The following ATP8A2 variants were observed in gnomAD, a reference collection of about 807,000 sequenced individuals.
The protein encoded by ATP8A2 is phospholipid-transporting ATPase IB.
Under a neutral mutation model 165.6 loss-of-function variants are expected in ATP8A2, and 100 were observed. That is an observed-to-expected ratio of 0.60 (90% CI 0.51 to 0.71). The LOEUF (loss-of-function observed/expected upper bound fraction) is 0.71, where lower values mean the gene tolerates loss of function less well. Among genes scored for constraint, ATP8A2 ranks in the 30% least tolerant of loss-of-function variants. The pLI is 0.00. For missense variants in ATP8A2, 1,227 were observed against 1,479.5 expected, an observed-to-expected ratio of 0.83 and a Z score of 2.80; for synonymous variants, 543 against 548.8, an observed-to-expected ratio of 0.99 and a Z score of 0.15.
chr13:25,909,541 A>G (rs1014373408), intron 33 of ATP8A2, among the ~76,000 whole-genome samples: 3 of 152,208 alleles, frequency 2.0e-5, no homozygotes, highest in South Asian at 2.1e-4. Flanking sequence ...GTCAACCGCA[A>G]TTACTTTTAT....
chr13:26,003,664 T>TAC (rs2139329604), intron 35 of ATP8A2, among the ~76,000 whole-genome samples: 1 of 152,294 alleles, frequency 6.6e-6, no homozygotes, highest in South Asian at 2.1e-4. Context: ...CTCGTATATA[T>TAC]AAGTCTTTAA....
intron 24 of ATP8A2, among the ~76,000 whole-genome samples, chr13:25,660,641 G>A (rs2042029485): frequency 6.6e-6 from 1 of 151,548 alleles, no homozygotes; most frequent in South Asian, 2.1e-4. Context: ...ATTGAATTGT[G>A]GAAAACATAG....
At chr13:25,794,170 C>T (rs1020312954) in intron 27 of ATP8A2, among the ~76,000 whole-genome samples, 2 of 152,174 alleles carry the variant, frequency 1.3e-5, no homozygotes, top group African/African-American at 4.8e-5. Flanking sequence ...GCATGTTTTC[C>T]ATCTTGAAGA....
At chr13:25,926,821 A>G (rs532124887) in intron 33 of ATP8A2, among the ~76,000 whole-genome samples, 172 of 152,296 alleles carry the variant, frequency 1.1e-3, no homozygotes, top group Middle Eastern at 6.8e-3. Context: ...GCAATATAGC[A>G]AGAGCCCATC....
intron 1 of ATP8A2, among the ~76,000 whole-genome samples, chr13:25,392,341 C>G (rs1190916301): frequency 3.9e-5 from 6 of 152,194 alleles, no homozygotes; most frequent in Non-Finnish European, 8.8e-5. Flanking sequence ...GAGCTGTAAC[C>G]TTAGTTTCTC....
At chr13:25,862,500 C>T in intron 33 of ATP8A2, 92 bp downstream of exon 33, 1 of 966,920 alleles carries the variant, frequency 1.0e-6, no homozygotes, top group Non-Finnish European at 1.7e-6. Context: ...TGTCTTACAG[C>T]CACGATGAGC....
At chr13:25,507,035 T>C (rs944193087) in intron 2 of ATP8A2, among the ~76,000 whole-genome samples, 4 of 151,366 alleles carry the variant, frequency 2.6e-5, no homozygotes, top group Non-Finnish European at 5.9e-5. Context: ...TGTGTATCTC[T>C]ATATAAATTT....
chr13:25,974,444 C>G (rs1029711458), intron 35 of ATP8A2, among the ~76,000 whole-genome samples: 1 of 151,428 alleles, frequency 6.6e-6, no homozygotes, highest in Non-Finnish European at 1.5e-5. Flanking sequence ...GTGGTGTGGA[C>G]GAATGGCCGT....
intron 24 of ATP8A2, among the ~76,000 whole-genome samples, chr13:25,646,640 G>A (rs1481553508): frequency 9.4e-6 from 1 of 106,946 alleles, no homozygotes; most frequent in Non-Finnish European, 1.7e-5. Flanking sequence ...GGGCAACAGA[G>A]TGAGACTCCA....
intron 33 of ATP8A2, among the ~76,000 whole-genome samples, chr13:25,932,009 T>C (rs1396293038): frequency 3.3e-5 from 5 of 150,662 alleles, no homozygotes; most frequent in African/African-American, 9.8e-5. Context: ...GATCACGCCA[T>C]TGGACTCCAG....
intron 30 of ATP8A2, among the ~76,000 whole-genome samples, chr13:25,851,537 C>T (rs899118802): frequency 4.6e-5 from 7 of 151,050 alleles, no homozygotes; most frequent in South Asian, 2.1e-4. Flanking sequence ...AAGCTGAGAT[C>T]GCGCCACTGC....
At chr13:25,434,283 T>A (rs1241616173) in intron 1 of ATP8A2, among the ~76,000 whole-genome samples, 1 of 152,134 alleles carries the variant, frequency 6.6e-6, no homozygotes, top group African/African-American at 2.4e-5. Flanking sequence ...ATACCTGGGC[T>A]CCCTGCCTAA....
chr13:25,591,308 C>CCTCCCT (rs1299481278), intron 24 of ATP8A2: 3 of 456,596 alleles, frequency 6.6e-6, no homozygotes, highest in Non-Finnish European at 8.8e-6. Context: ...CAACTACTCT[C>CCTCCCT]CATTCCCACA....
chr13:25,597,172 A>G (rs1436402591), intron 24 of ATP8A2, among the ~76,000 whole-genome samples: 3 of 152,182 alleles, frequency 2.0e-5, no homozygotes, highest in African/African-American at 7.2e-5. Context: ...ACCCTGTTTC[A>G]TAGATGTCTG....
chr13:25,461,852 A>AAGGAGG (rs1555274204), intron 1 of ATP8A2, among the ~76,000 whole-genome samples: 98 of 147,814 alleles, frequency 6.6e-4, no homozygotes, highest in African/African-American at 9.0e-4. Context: ...GGAGAAGAAG[A>AAGGAGG]AGGAGGAGGA....
At chr13:25,563,571 A>G (rs1368722430) in intron 15 of ATP8A2, among the ~76,000 whole-genome samples, 3 of 152,172 alleles carry the variant, frequency 2.0e-5, no homozygotes, top group Non-Finnish European at 4.4e-5. Flanking sequence ...AAATGATTGC[A>G]TGTATACAGT....
intron 1 of ATP8A2, among the ~76,000 whole-genome samples, chr13:25,390,133 A>G (rs908477208): frequency 1.3e-5 from 2 of 152,216 alleles, no homozygotes; most frequent in African/African-American, 4.8e-5. Flanking sequence ...AGCTGGGAAT[A>G]CAGGCATGTG....
intron 35 of ATP8A2, among the ~76,000 whole-genome samples, chr13:26,007,835 T>C (rs1057049079): frequency 6.6e-6 from 1 of 152,272 alleles, no homozygotes; most frequent in African/African-American, 2.4e-5. Flanking sequence ...AGAGAACAGC[T>C]TAGTCCCATG....
At chr13:25,653,132 G>A (rs991383413) in intron 24 of ATP8A2, among the ~76,000 whole-genome samples, 1 of 152,116 alleles carries the variant, frequency 6.6e-6, no homozygotes, top group Non-Finnish European at 1.5e-5. Flanking sequence ...GTTAATTTTT[G>A]TCTATGGTGT....
Sources: allele counts gnomAD v4.1 joint callset (sites outside exome capture counted in the v4.1 genomes callset), GRCh38; gene constraint gnomAD v4.1.1; transcripts MANE v1.5; gene names NCBI Gene and HGNC (gene_info 2026-07-23, HGNC 2026-07-21).